The following KLF12 variants were observed in gnomAD, a reference collection of about 807,000 sequenced individuals.
KLF12 encodes the protein Krueppel-like factor 12.
In KLF12, 9 loss-of-function variants were observed where a neutral mutation model predicts 37.8. The observed-to-expected ratio is 0.24, with a 90% confidence interval of 0.14 to 0.42. The LOEUF (loss-of-function observed/expected upper bound fraction) is 0.42. Ranked by LOEUF, KLF12 falls within the 10% of genes least tolerant of loss-of-function variation. The pLI is 1.00. For missense variants in KLF12, 411 were observed against 516.0 expected (o/e 0.80, Z 1.97); for synonymous variants, 208 against 202.1 (o/e 1.03, Z -0.25).
chr13:73,767,404 G>T (rs1043714466), intron 5 of KLF12, among the ~76,000 whole-genome samples: 1 of 152,192 alleles, frequency 6.6e-6, no homozygotes, highest in Non-Finnish European at 1.5e-5. Flanking sequence ...CCTCACACAG[G>T]CTCGATTACT....
the KLF12 span, among the ~76,000 whole-genome samples, chr13:74,230,319 CTG>C: frequency 6.6e-6 from 1 of 152,202 alleles, no homozygotes; most frequent in Non-Finnish European, 1.5e-5. Context: ...CCCTGCAGAA[CTG>C]TGAGTCAGTT....
chr13:73,812,276 TAGA>T (rs988743551), intron 5 of KLF12, among the ~76,000 whole-genome samples: 6 of 151,888 alleles, frequency 4.0e-5, no homozygotes, highest in East Asian at 1.9e-4. Flanking sequence ...AATTTGCAGA[TAGA>T]AGAAGAAGAA....
intron 1 of KLF12, among the ~76,000 whole-genome samples, chr13:74,011,360 A>G (rs935288120): frequency 3.3e-5 from 5 of 152,164 alleles, no homozygotes; most frequent in African/African-American, 2.4e-5. Context: ...CACCAGGCCC[A>G]TGTGTCCACA....
intron 4 of KLF12, among the ~76,000 whole-genome samples, chr13:73,845,561 C>T (rs1331525144): frequency 1.3e-5 from 2 of 152,158 alleles, no homozygotes; most frequent in Non-Finnish European, 2.9e-5. Context: ...TATTATTTTG[C>T]AAACTTAGAT....
At chr13:74,161,720 C>T in the KLF12 span, among the ~76,000 whole-genome samples, 2,422 of 152,308 alleles carry the variant, frequency 0.016, 63 homozygotes, top group African/African-American at 0.053. Context: ...GACCCAGCCT[C>T]AGGTGGCCTG....
chr13:73,934,039 C>G (rs113991578), intron 3 of KLF12, among the ~76,000 whole-genome samples: 1 of 152,116 alleles, frequency 6.6e-6, no homozygotes, highest in Non-Finnish European at 1.5e-5. Flanking sequence ...ATTCTACTGT[C>G]GAAGATTTTG....
At chr13:74,156,532 C>T in the KLF12 span, among the ~76,000 whole-genome samples, 2 of 152,104 alleles carry the variant, frequency 1.3e-5, no homozygotes, top group South Asian at 4.1e-4. Context: ...TGACTACAGC[C>T]ACCTTATTGT....
intron 6 of KLF12, among the ~76,000 whole-genome samples, chr13:73,739,163 G>T (rs868693426): frequency 1.3e-5 from 2 of 151,802 alleles, no homozygotes; most frequent in Non-Finnish European, 2.9e-5. Context: ...GAACCCACGA[G>T]GTGGAGGCTA....
At chr13:74,244,123 C>G in the KLF12 span, among the ~76,000 whole-genome samples, 1 of 152,278 alleles carries the variant, frequency 6.6e-6, no homozygotes, top group South Asian at 2.1e-4. Context: ...AAAAGTGTCA[C>G]TTATATTCCC....
Position 74,085,135 on chromosome 13 carries a change from A to G in KLF12, c.-32+48604T>C, listed in dbSNP as rs139620884. Among the ~76,000 whole-genome samples, 280 of 152,300 alleles carry G rather than the reference A, an allele frequency of 1.8e-3. 3 individuals carry two copies. The highest frequency in any genetic ancestry group is 6.3e-3 in the African/African-American group (263 of 41,554). The stretch of plus-strand genomic sequence containing the variant: ...GACACAAACATCCAAGAACACATGA[A>G]AAGTACCAGCAATCAAACCCACGTG... On this transcript the variant is annotated intron_variant, in intron 1 of 7. Coordinates refer to ENST00000377669, the MANE Select transcript of KLF12 (RefSeq NM_007249.5).
chr13:74,001,025 T>G (rs1892267478), intron 1 of KLF12, among the ~76,000 whole-genome samples: 1 of 152,186 alleles, frequency 6.6e-6, no homozygotes, highest in African/African-American at 2.4e-5. Flanking sequence ...TGATTTAAAT[T>G]GTAACAAAAT....
chr13:73,837,343 T>G (rs1032386636), intron 4 of KLF12, among the ~76,000 whole-genome samples: 1 of 152,186 alleles, frequency 6.6e-6, no homozygotes, highest in Non-Finnish European at 1.5e-5. Context: ...CTATGCCAGA[T>G]GAAGCAGCGA....
At chr13:74,097,683 T>C (rs1181638446) in intron 1 of KLF12, among the ~76,000 whole-genome samples, 3 of 150,578 alleles carry the variant, frequency 2.0e-5, no homozygotes, top group Non-Finnish European at 4.4e-5. Flanking sequence ...TACTTGAAAA[T>C]ACAATTTTAT....
chr13:73,845,599 T>C (rs527274077), intron 4 of KLF12, among the ~76,000 whole-genome samples: 7 of 152,336 alleles, frequency 4.6e-5, no homozygotes, highest in South Asian at 2.1e-4. Context: ...ACGTGACCTA[T>C]GGTAAGTAAA....
chr13:73,861,133 T>C (rs1331128869), intron 3 of KLF12, among the ~76,000 whole-genome samples: 1 of 152,160 alleles, frequency 6.6e-6, no homozygotes, highest in Non-Finnish European at 1.5e-5. Context: ...GTCTATCAAG[T>C]TTTTCAAAGT....
chr13:73,731,169 C>G (rs899117078), intron 6 of KLF12, among the ~76,000 whole-genome samples: 2 of 151,980 alleles, frequency 1.3e-5, no homozygotes, highest in Non-Finnish European at 2.9e-5. Context: ...GATTGGATAA[C>G]CGGGGATAAG....
intron 2 of KLF12, among the ~76,000 whole-genome samples, chr13:73,977,697 G>T (rs1891570377): frequency 6.6e-6 from 1 of 152,136 alleles, no homozygotes; most frequent in South Asian, 2.1e-4. Flanking sequence ...TTGAAGAAAT[G>T]ACATTACCTG....
intron 4 of KLF12, among the ~76,000 whole-genome samples, chr13:73,835,621 G>A (rs879161459): frequency 6.6e-6 from 1 of 152,110 alleles, no homozygotes; most frequent in African/African-American, 2.4e-5. Flanking sequence ...GTGAAAGCAA[G>A]GAGAGATGCA....
chr13:74,247,631 A>G, the KLF12 span, among the ~76,000 whole-genome samples: 1 of 151,986 alleles, frequency 6.6e-6, no homozygotes, highest in Non-Finnish European at 1.5e-5. Flanking sequence ...TTTTTTAGTT[A>G]TTTATTATTA....
Sources: gnomAD v4.1 joint callset for allele counts (sites outside exome capture counted in the v4.1 genomes callset) on GRCh38, gnomAD v4.1.1 for gene constraint, MANE v1.5 for transcripts, NCBI Gene and HGNC (gene_info 2026-07-23, HGNC 2026-07-21) for gene names.